FOXN2: variants seen among roughly 807,000 people sequenced by gnomAD.
FOXN2 encodes the protein forkhead box N2, also known as forkhead box protein N2.
In FOXN2, 19 loss-of-function variants were observed where a neutral mutation model predicts 41.2. The observed-to-expected ratio is 0.46, with a 90% CI of 0.32 to 0.68. The LOEUF is 0.68. Among genes scored for constraint, FOXN2 ranks in the 30% least tolerant of loss-of-function variants. The pLI is 0.03. For synonymous variants in FOXN2, 195 were observed against 176.8 expected (o/e 1.10, Z -0.82); for missense variants, 587 against 509.4 (o/e 1.15, Z -1.47).
chr2:48,317,881 A>G (rs923074317), intron 1 of FOXN2, among the ~76,000 whole-genome samples: 1 of 151,922 alleles, frequency 6.6e-6, no homozygotes, highest in Non-Finnish European at 1.5e-5. Context: ...TGCTGGGATT[A>G]CAGGCGGGAA....
In FOXN2 at chr2:48,317,396, T is replaced by G. The variant is rs149924533; in HGVS notation, c.-157+2582T>G. 4.7e-3 allele frequency among the ~76,000 whole-genome samples: 712 copies of G among 151,214 alleles called. 8 individuals are homozygous for G. The highest frequency in any genetic ancestry group is 0.016 in the African/African-American group (671 of 41,198). On this transcript the variant is annotated intron_variant, in intron 1 of 6. Transcript: ENST00000340553. Reference sequence around the variant, plus strand: ...CCTAGGAGGTGAAGGTTGTAGTGAGTTGAGATCATGCCACTGCACTCCAGC... The same window carrying G: ...CCTAGGAGGTGAAGGTTGTAGTGAGGTGAGATCATGCCACTGCACTCCAGC...
At chr2:48,359,288 A>T in intron 4 of FOXN2, 141 bp downstream of exon 4, 1 of 575,944 alleles carries the variant, frequency 1.7e-6, no homozygotes, top group South Asian at 2.2e-5. Flanking sequence ...TTTAGTTTTT[A>T]GTTTTTGTTT....
chr2:48,363,074 C>T (rs190568034), intron 5 of FOXN2, among the ~76,000 whole-genome samples: 2 of 152,252 alleles, frequency 1.3e-5, no homozygotes, highest in African/African-American at 2.4e-5. Context: ...AAAAGAGCCT[C>T]ACACAGGTCC....
At chr2:48,313,809 A>C (rs1301938229), upstream of FOXN2, among the ~76,000 whole-genome samples, 1 of 152,180 alleles carries the variant, frequency 6.6e-6, no homozygotes, top group Non-Finnish European at 1.5e-5. Flanking sequence ...GATTTAGTAA[A>C]ACGAACCAAA....
chr2:48,353,417 T>C (rs1364037929), intron 3 of FOXN2, among the ~76,000 whole-genome samples: 1 of 152,142 alleles, frequency 6.6e-6, no homozygotes, highest in Non-Finnish European at 1.5e-5. Flanking sequence ...TTTGTACTCA[T>C]TTTGTGTTTT....
chr2:48,375,104 C>G lies in FOXN2; in HGVS notation c.957C>G (p.Ser319Arg). ...CACAGCGTTGTGCATCCAGGTCTAG[C>G]GTGTCTTCCCTGTCTTCTGTGGATG... ...MAAQRCASRS[S>R]VSSLSSVDEV... Residue 319 changes from serine to arginine, a missense_variant, in exon 7 of 7, where the codon AGC (serine) becomes AGG (arginine). By Grantham distance (110) the Ser-to-Arg change is moderately radical (BLOSUM62 -1). Coordinates refer to ENST00000340553, the MANE Select transcript of FOXN2 (RefSeq NM_002158.4). 1 of 1,614,038 alleles carries G rather than the reference C, an allele frequency of 6.2e-7. No individual in the cohort carries two copies. The highest frequency in any genetic ancestry group is 8.5e-7 in the Non-Finnish European group (1 of 1,179,970).
chr2:48,371,743 G>C (rs7566239), intron 5 of FOXN2, among the ~76,000 whole-genome samples: 1 of 151,872 alleles, frequency 6.6e-6, no homozygotes, highest in African/African-American at 2.4e-5. Context: ...TGGGATGTCT[G>C]TTTGTATTGT....
chr2:48,345,293 G>A (rs1374915110), intron 2 of FOXN2, among the ~76,000 whole-genome samples: 2 of 152,044 alleles, frequency 1.3e-5, no homozygotes, highest in East Asian at 1.9e-4. Context: ...TTAGACTTAC[G>A]GAAGTATAGA....
At chr2:48,362,831 C>A in intron 5 of FOXN2, 124 bp downstream of exon 5, 1 of 758,492 alleles carries the variant, frequency 1.3e-6, no homozygotes, top group Non-Finnish European at 2.2e-6. Context: ...TTGCCTGGTG[C>A]CCTGGTAGCT....
intron 1 of FOXN2, among the ~76,000 whole-genome samples, chr2:48,325,681 A>G (rs1384299904): frequency 6.6e-6 from 1 of 152,162 alleles, no homozygotes; most frequent in East Asian, 1.9e-4. Context: ...AACAAAACAG[A>G]CAACTAGCTC....
Position 48,371,897 on chromosome 2 carries a change from A to G in FOXN2, c.704-1395A>G, listed in dbSNP as rs532302543. Among the ~76,000 whole-genome samples the G allele has an allele frequency of 3.3e-5, 5 of 152,104 alleles. No individual in the cohort carries two copies. The East Asian group carries it at 9.7e-4, about 29-fold the overall frequency. ...TTGTGTATTAATTTTGTATCTTGCA[A>G]CTTTACTGACTATCAGTTCTAAGAG... On this transcript the variant is annotated intron_variant, in intron 5 of 6. Transcript: ENST00000340553.
intron 5 of FOXN2, among the ~76,000 whole-genome samples, chr2:48,371,621 G>C (rs923025953): frequency 6.6e-6 from 1 of 151,956 alleles, no homozygotes; most frequent in African/African-American, 2.4e-5. Flanking sequence ...CAACTTTCAG[G>C]ATTATTTTAT....
intron 2 of FOXN2, among the ~76,000 whole-genome samples, chr2:48,336,264 C>A (rs965961662): frequency 6.6e-6 from 1 of 150,984 alleles, no homozygotes; most frequent in Non-Finnish European, 1.5e-5. Context: ...TTAAAAAAGC[C>A]GGGTGTGGTG....
At chr2:48,325,718 A>C (rs1669618483) in intron 1 of FOXN2, among the ~76,000 whole-genome samples, 1 of 152,182 alleles carries the variant, frequency 6.6e-6, no homozygotes, top group African/African-American at 2.4e-5. Flanking sequence ...TCAGTTAGTC[A>C]GGAAAGATAT....
At position 48,362,830 on chromosome 2, in the gene FOXN2, G is replaced by T. The variant is rs922341460; in HGVS notation, c.703+123G>T. ...AGCTGAAAAATTTCTATTGCCTGGT[G>T]CCCTGGTAGCTTGTTGTAACATTGT... On this transcript the variant is annotated intron_variant, in intron 5 of 6. Transcript: ENST00000340553. The T allele has an allele frequency of 6.6e-6, 5 of 761,010 alleles. No individual in the cohort carries two copies. The East Asian group carries it at 1.0e-4, about 15-fold the overall frequency. The allele number at this position is 761,010 out of a possible 1,614,324, so 47.1% of individuals were successfully genotyped here.
intron 4 of FOXN2, among the ~76,000 whole-genome samples, chr2:48,359,363 G>A (rs1386460305): frequency 2.6e-5 from 4 of 151,922 alleles, no homozygotes; most frequent in Middle Eastern, 3.2e-3. Flanking sequence ...GCGAGATCTC[G>A]GCTCACTGCA....
rs11407371 is a variant in FOXN2, at chr2:48,324,194, A to ATT, written c.-156-4350_-156-4349dup. ...TACGTGAATGACAAATTGCTCAGTA[A>ATT]TTTTTTTTTTTTTTTTTTGTGACAG... On this transcript the variant is annotated intron_variant, in intron 1 of 6. Transcript: ENST00000340553. Among the ~76,000 whole-genome samples the ATT allele has an allele frequency of 9.6e-3, 1,267 of 132,332 alleles. 33 individuals carry two copies. Among genetic ancestry groups the ATT allele is most frequent in the East Asian group, 0.02 (94 of 4,764 alleles). The allele number at this position is 132,332 out of a possible 152,430, so 86.8% of individuals were successfully genotyped here. A position where few individuals can be genotyped will look rare whatever the true frequency, so the allele number is the denominator to read the frequency against.
At chr2:48,372,264 A>G (rs760897969) in intron 5 of FOXN2, among the ~76,000 whole-genome samples, 8 of 152,202 alleles carry the variant, frequency 5.3e-5, no homozygotes, top group South Asian at 2.1e-4. Context: ...AGTGTTATCA[A>G]TAACAACAGC....
chr2:48,372,799 A>T (rs1389534386), intron 5 of FOXN2, among the ~76,000 whole-genome samples: 1 of 152,090 alleles, frequency 6.6e-6, no homozygotes, highest in African/African-American at 2.4e-5. Flanking sequence ...CTTAGCATTT[A>T]TAGGTTTACA....
Sources: allele counts gnomAD v4.1 joint callset (sites outside exome capture counted in the v4.1 genomes callset), GRCh38; gene constraint gnomAD v4.1.1; transcripts MANE v1.5; gene names NCBI Gene and HGNC (gene_info 2026-07-23, HGNC 2026-07-21).